The following STPG2 variants were observed in gnomAD, a reference collection of about 807,000 sequenced individuals.
STPG2 encodes the protein sperm tail PG-rich repeat containing 2.
Under a neutral mutation model 54.2 loss-of-function variants are expected in STPG2, and 56 were observed. The ratio of observed to expected loss-of-function variants is 1.03; its 90% confidence interval spans 0.83 to 1.29. STPG2 has a LOEUF of 1.29. STPG2 is among the 50% of genes most tolerant of loss of function. The pLI is 0.00. For missense variants in STPG2, 596 were observed against 544.9 expected, an observed-to-expected ratio of 1.09 and a Z score of -0.93; for synonymous variants, 200 against 181.8, an observed-to-expected ratio of 1.10 and a Z score of -0.81.
At chr4:97,952,618 G>T (rs1733514453) in intron 7 of STPG2, among the ~76,000 whole-genome samples, 1 of 152,160 alleles carries the variant, frequency 6.6e-6, no homozygotes. Context: ...ATCCACTGAT[G>T]TAACAGTTCC....
chr4:97,489,413 A>T (rs1386843273), intron 4 of STPG2, among the ~76,000 whole-genome samples: 1 of 151,722 alleles, frequency 6.6e-6, no homozygotes, highest in East Asian at 1.9e-4. Flanking sequence ...GTAACGTAGC[A>T]CTGGTTCCCC....
chr4:97,703,812 G>GTA (rs1491406236), intron 10 of STPG2, among the ~76,000 whole-genome samples: 5 of 147,578 alleles, frequency 3.4e-5, no homozygotes, highest in Non-Finnish European at 7.4e-5. Flanking sequence ...GTGTGTGTGT[G>GTA]TATATATACA....
At chr4:97,880,634 T>C (rs1161434962) in intron 8 of STPG2, among the ~76,000 whole-genome samples, 1 of 152,242 alleles carries the variant, frequency 6.6e-6, no homozygotes, top group East Asian at 1.9e-4. Context: ...TGATCATATA[T>C]GAGGTAGATA....
At chr4:97,987,570 TC>T (rs1179887834) in intron 5 of STPG2, among the ~76,000 whole-genome samples, 4 of 152,284 alleles carry the variant, frequency 2.6e-5, no homozygotes, top group African/African-American at 7.2e-5. Context: ...TACTATTTTT[TC>T]ATCATCAAAT....
intron 8 of STPG2, among the ~76,000 whole-genome samples, chr4:97,915,867 G>T (rs1451354262): frequency 6.6e-6 from 1 of 152,120 alleles, no homozygotes; most frequent in African/African-American, 2.4e-5. Context: ...TATGCTTCGG[G>T]AAGATCACCA....
Position 98,065,458 on chromosome 4 carries a change from C to G in STPG2, c.612+40495G>C, listed in dbSNP as rs181802405. Reference sequence around the variant, plus strand: ...ACGACAATAAAAAATAGATTTCTTCCACAATAGCCCTGCCCAATATTCACT... The same window carrying G: ...ACGACAATAAAAAATAGATTTCTTCGACAATAGCCCTGCCCAATATTCACT... On this transcript the variant is annotated intron_variant, in intron 5 of 10. Transcript: ENST00000295268. Among the ~76,000 whole-genome samples the G allele has an allele frequency of 3.6e-3, 542 of 152,238 alleles. 5 individuals carry two copies. Among genetic ancestry groups the G allele is most frequent in the African/African-American group, 0.012 (516 of 41,544 alleles).
intron 10 of STPG2, among the ~76,000 whole-genome samples, chr4:97,691,708 G>T (rs1325256003): frequency 2.0e-5 from 3 of 152,120 alleles, no homozygotes; most frequent in Non-Finnish European, 4.4e-5. Context: ...ATATGCTCTT[G>T]AAATCACCAA....
intron 4 of STPG2, among the ~76,000 whole-genome samples, chr4:97,451,431 G>A (rs1170229487): frequency 1.3e-5 from 2 of 151,852 alleles, no homozygotes; most frequent in Non-Finnish European, 2.9e-5. Context: ...GGAAAGGAGA[G>A]GAGGTAGAAC....
chr4:97,539,502 A>T (rs1288943506), intron 4 of STPG2, among the ~76,000 whole-genome samples: 1 of 152,230 alleles, frequency 6.6e-6, no homozygotes, highest in Admixed American at 6.5e-5. Context: ...ACTATCGTAA[A>T]TATTTATGCA....
chr4:97,919,763 C>A (rs1197829346), intron 8 of STPG2, among the ~76,000 whole-genome samples: 1 of 151,976 alleles, frequency 6.6e-6, no homozygotes, highest in Non-Finnish European at 1.5e-5. Flanking sequence ...TTGGAAAAAA[C>A]CTAGTAAAAA....
intron 10 of STPG2, among the ~76,000 whole-genome samples, chr4:97,600,692 C>CA (rs1370097045): frequency 6.6e-6 from 1 of 152,060 alleles, no homozygotes; most frequent in Non-Finnish European, 1.5e-5. Flanking sequence ...CATACACACA[C>CA]AAAAAATAGC....
chr4:97,542,480 G>T (rs1167770313), intron 4 of STPG2, among the ~76,000 whole-genome samples: 1 of 152,230 alleles, frequency 6.6e-6, no homozygotes, highest in African/African-American at 2.4e-5. Flanking sequence ...ACAGGTGCTG[G>T]AGAGGATGTG....
Position 98,110,867 on chromosome 4 carries a change from T to C in STPG2, c.388-1562A>G, listed in dbSNP as rs74978755. Reference sequence around the variant, plus strand: ...GGAACCAACCTCTCTCAGTTACCATTATAAGCAATAATAATGCAGTAAGTA... The same window carrying C: ...GGAACCAACCTCTCTCAGTTACCATCATAAGCAATAATAATGCAGTAAGTA... On this transcript the variant is annotated intron_variant, in intron 3 of 10. Coordinates refer to ENST00000295268, the MANE Select transcript of STPG2 (RefSeq NM_174952.3). Among the ~76,000 whole-genome samples, 1,227 of 152,200 alleles carry C rather than the reference T, an allele frequency of 8.1e-3. 7 individuals carry two copies. Among genetic ancestry groups the C allele is most frequent in the Non-Finnish European group, 0.013 (898 of 68,008 alleles).
At position 97,460,551 on chromosome 4, in the gene STPG2, C is replaced by A. The variant is rs186496272; in HGVS notation, c.462+252148G>T. ...TTTCTTTCCTTTTTTCTTGGAACTGCTATTAGGCATGTTTAACCTTCTTAA... is the reference window on the plus strand; with the variant it reads ...TTTCTTTCCTTTTTTCTTGGAACTGATATTAGGCATGTTTAACCTTCTTAA... On this transcript the variant is annotated intron_variant, in intron 4 of 4. Transcript: ENST00000522676. 1.8e-3 allele frequency among the ~76,000 whole-genome samples: 279 copies of A among 151,954 alleles called. 1 individual carries two copies. Among genetic ancestry groups the A allele is most frequent in the African/African-American group, 6.4e-3 (266 of 41,428 alleles).
At chr4:97,718,680 AC>A (rs1174941904) in intron 9 of STPG2, among the ~76,000 whole-genome samples, 1 of 151,988 alleles carries the variant, frequency 6.6e-6, no homozygotes, top group African/African-American at 2.4e-5. Context: ...TATTTCAGTA[AC>A]CTTTGTCCTC....
At chr4:98,039,057 A>G (rs888852245) in intron 5 of STPG2, among the ~76,000 whole-genome samples, 1 of 152,044 alleles carries the variant, frequency 6.6e-6, no homozygotes, top group African/African-American at 2.4e-5. Context: ...CCACATTAGG[A>G]AAGAAATTGG....
intron 10 of STPG2, among the ~76,000 whole-genome samples, chr4:97,701,714 T>G (rs1293570072): frequency 6.6e-6 from 1 of 152,182 alleles, no homozygotes; most frequent in African/African-American, 2.4e-5. Context: ...AGGAATGCAG[T>G]AGGCTTCCTG....
intron 5 of STPG2, among the ~76,000 whole-genome samples, chr4:98,100,864 C>T (rs1252209651): frequency 1.3e-5 from 2 of 151,540 alleles, no homozygotes; most frequent in East Asian, 1.9e-4. Flanking sequence ...TTAGTAGAGA[C>T]GAGGTTTCAC....
chr4:97,995,835 C>T (rs1303789331), intron 5 of STPG2, among the ~76,000 whole-genome samples: 2 of 152,028 alleles, frequency 1.3e-5, no homozygotes, highest in African/African-American at 4.8e-5. Context: ...AATTGTAAAC[C>T]CCACATGTTG....
Sources: gnomAD v4.1 joint callset for allele counts (sites outside exome capture counted in the v4.1 genomes callset) on GRCh38, gnomAD v4.1.1 for gene constraint, MANE v1.5 for transcripts, NCBI Gene and HGNC (gene_info 2026-07-23, HGNC 2026-07-21) for gene names.